SNAP25: variants seen among roughly 807,000 people sequenced by gnomAD.
The protein encoded by SNAP25 is synaptosome associated protein 25.
SNAP25 carries 3 observed loss-of-function variants against 28.7 expected under a neutral mutation model. The observed-to-expected ratio is 0.10, with a 90% confidence interval of 0.05 to 0.27. SNAP25 has a LOEUF of 0.27. Among genes scored for constraint, SNAP25 ranks in the 10% least tolerant of loss-of-function variants. The pLI is 1.00. For synonymous variants in SNAP25, 61 were observed against 88.1 expected (o/e 0.69, Z 1.72); for missense variants, 117 against 278.7 (o/e 0.42, Z 4.13).
intron 4 of SNAP25, among the ~76,000 whole-genome samples, chr20:10,285,315 GT>G: frequency 6.6e-6 from 1 of 152,092 alleles, no homozygotes. Context: ...TATTTGGCCT[GT>G]TTTAAAGATT....
At chr20:10,227,426 G>T (rs756540939) in intron 1 of SNAP25, among the ~76,000 whole-genome samples, 1 of 152,124 alleles carries the variant, frequency 6.6e-6, no homozygotes, top group Non-Finnish European at 1.5e-5. Flanking sequence ...GCAGAGAAAA[G>T]AATTCTACCA....
intron 1 of SNAP25, among the ~76,000 whole-genome samples, chr20:10,224,758 C>A: frequency 6.6e-6 from 1 of 151,998 alleles, no homozygotes; most frequent in South Asian, 2.1e-4. Flanking sequence ...TATTCTGAGT[C>A]ATCACTGCTT....
At chr20:10,283,078 C>T (rs1439250317) in intron 3 of SNAP25, among the ~76,000 whole-genome samples, 1 of 152,164 alleles carries the variant, frequency 6.6e-6, no homozygotes, top group East Asian at 1.9e-4. Flanking sequence ...GATTCATATG[C>T]ACATTCCAGT....
chr20:10,229,256 G>A (rs2062784192), intron 1 of SNAP25, among the ~76,000 whole-genome samples: 1 of 152,170 alleles, frequency 6.6e-6, no homozygotes, highest in Admixed American at 6.6e-5. Context: ...TTGTGTTAAG[G>A]ATTTTTGTTG....
intron 1 of SNAP25, among the ~76,000 whole-genome samples, chr20:10,223,581 C>T (rs2062674698): frequency 6.6e-6 from 1 of 151,774 alleles, no homozygotes; most frequent in Non-Finnish European, 1.5e-5. Flanking sequence ...TAAACTGAGT[C>T]CAGGGGCTAC....
At chr20:10,305,007 C>T (rs1432982565) in intron 7 of SNAP25, among the ~76,000 whole-genome samples, 1 of 152,172 alleles carries the variant, frequency 6.6e-6, no homozygotes, top group African/African-American at 2.4e-5. Context: ...CTCTCAACTG[C>T]AAATAGGCCC....
intron 4 of SNAP25, among the ~76,000 whole-genome samples, chr20:10,289,843 A>T (rs548032227): frequency 8.0e-4 from 122 of 151,686 alleles, no homozygotes; most frequent in African/African-American, 2.8e-3. Context: ...TCATTGGAAA[A>T]ATATTAATGG....
intron 1 of SNAP25, among the ~76,000 whole-genome samples, chr20:10,265,558 A>G (rs1470706867): frequency 6.6e-6 from 1 of 152,058 alleles, no homozygotes; most frequent in Non-Finnish European, 1.5e-5. Context: ...TCTTCTCTTC[A>G]TTTTCTGAAT....
intron 2 of SNAP25, 26 bp from the exon 3 acceptor site, chr20:10,277,657 TTA>T: frequency 6.2e-7 from 1 of 1,606,816 alleles, no homozygotes; most frequent in Non-Finnish European, 8.5e-7. Context: ...CTCATAAAGT[TTA>T]TGTTTGTTTG....
At chr20:10,286,980 C>G (rs1186299840) in intron 4 of SNAP25, among the ~76,000 whole-genome samples, 1 of 152,062 alleles carries the variant, frequency 6.6e-6, no homozygotes, top group African/African-American at 2.4e-5. Context: ...CAAGTCATTG[C>G]TTTTAAAAAA....
intron 6 of SNAP25, 41 bp downstream of exon 6, chr20:10,297,091 T>G: frequency 6.6e-7 from 1 of 1,509,374 alleles, no homozygotes; most frequent in Non-Finnish European, 8.8e-7. Flanking sequence ...TTCTCTATTG[T>G]CAAGTACAAA....
At position 10,299,205 on chromosome 20, in the gene SNAP25, G is replaced by A. The variant is rs1238594314; in HGVS notation, c.408-63G>A. The A allele has an allele frequency of 1.9e-6, 3 of 1,568,604 alleles. No individual in the cohort carries two copies. In the Admixed American group the frequency reaches 5.2e-5, roughly 27 times the overall value. On this transcript the variant is annotated intron_variant, in intron 6 of 7. Transcript: ENST00000254976. ...GACGACAGATTTCCACTATGCTTTG[G>A]GTCCTTGGTATTCAATATGTTTTCC...
intron 4 of SNAP25, among the ~76,000 whole-genome samples, chr20:10,285,340 T>C (rs939014456): frequency 6.6e-6 from 1 of 152,148 alleles, no homozygotes; most frequent in African/African-American, 2.4e-5. Context: ...ACAGAAATGC[T>C]AGAAGCAAGG....
chr20:10,253,471 A>T (rs1044665805), intron 1 of SNAP25, among the ~76,000 whole-genome samples: 1 of 152,064 alleles, frequency 6.6e-6, no homozygotes, highest in Non-Finnish European at 1.5e-5. Flanking sequence ...TAAAATGGGG[A>T]TGATGAAGGC....
chr20:10,240,516 A>G (rs1428249063), intron 1 of SNAP25, among the ~76,000 whole-genome samples: 1 of 152,154 alleles, frequency 6.6e-6, no homozygotes, highest in Non-Finnish European at 1.5e-5. Flanking sequence ...GCACCAGGGC[A>G]CAGAAATGCT....
intron 6 of SNAP25, among the ~76,000 whole-genome samples, chr20:10,299,019 G>C (rs2064174175): frequency 6.6e-6 from 1 of 152,162 alleles, no homozygotes; most frequent in South Asian, 2.1e-4. Context: ...AATGGAAGGA[G>C]TGAGAAAGTA....
chr20:10,264,753 G>A (rs549133549), intron 1 of SNAP25, among the ~76,000 whole-genome samples: 4 of 152,216 alleles, frequency 2.6e-5, no homozygotes, highest in African/African-American at 9.6e-5. Flanking sequence ...GCTACACATG[G>A]ATCCTTCCAC....
At chr20:10,271,972 T>A (rs1600726181) in intron 1 of SNAP25, among the ~76,000 whole-genome samples, 1 of 152,086 alleles carries the variant, frequency 6.6e-6, no homozygotes, top group African/African-American at 2.4e-5. Flanking sequence ...AAGGCACTCT[T>A]GTTTGTCTCC....
intron 1 of SNAP25, among the ~76,000 whole-genome samples, chr20:10,246,308 G>A (rs1430490696): frequency 1.3e-5 from 2 of 152,204 alleles, no homozygotes; most frequent in African/African-American, 4.8e-5. Flanking sequence ...ACACATCTGT[G>A]CATGTATGTG....
Sources: gnomAD v4.1 joint callset for allele counts (sites outside exome capture counted in the v4.1 genomes callset) on GRCh38, gnomAD v4.1.1 for gene constraint, MANE v1.5 for transcripts, NCBI Gene and HGNC (gene_info 2026-07-23, HGNC 2026-07-21) for gene names.